INSYN1: variants seen among roughly 807,000 people sequenced by gnomAD.
INSYN1 encodes UPF0583 protein C15orf59.
A neutral mutation model predicts 17.1 loss-of-function variants in INSYN1; 7 were observed. That is an observed-to-expected ratio of 0.41 (90% CI 0.23 to 0.77). The LOEUF (loss-of-function observed/expected upper bound fraction) is 0.77. Among genes scored for constraint, INSYN1 ranks in the 30% least tolerant of loss-of-function variants. The pLI, the probability that INSYN1 is intolerant of heterozygous loss-of-function variation, is 0.32. For missense variants in INSYN1, 339 were observed against 400.6 expected, an observed-to-expected ratio of 0.85 and a Z score of 1.31; for synonymous variants, 174 against 166.3, an observed-to-expected ratio of 1.05 and a Z score of -0.36.
Position 73,740,196 on chromosome 15 carries a change from A to G in INSYN1, c.603T>C (p.Asp201=), listed in dbSNP as rs775672556. 6.2e-7 allele frequency: 1 copy of G among 1,613,908 alleles called. No homozygotes were observed. The highest frequency in any genetic ancestry group is 1.7e-5 in the Admixed American group (1 of 60,010). ...CCTCCTGCTCACCGTCCCCCTCCTC[A>G]TCGTCACAGCACAGAGCATGGTAGA... is the stretch of plus-strand genomic sequence containing the variant. ...KVLYHALCCD[D]EEGDGEQEVE... is the part of the protein sequence containing the mutation. Residue 201 remains aspartate (D), a synonymous_variant, in exon 3 of 3, where the codon GAT becomes GAC. Transcript: ENST00000569673.
chr15:73,748,546 C>G (rs1901897937), intron 2 of INSYN1, among the ~76,000 whole-genome samples: 1 of 152,124 alleles, frequency 6.6e-6, no homozygotes, highest in South Asian at 2.1e-4. Context: ...CCTACCCATG[C>G]CCCCGATAAA....
At chr15:73,750,446 CAA>C (rs1260546907) in intron 2 of INSYN1, among the ~76,000 whole-genome samples, 1 of 152,176 alleles carries the variant, frequency 6.6e-6, no homozygotes, top group Admixed American at 6.5e-5. Flanking sequence ...TACCCCCGGA[CAA>C]AGAGGACATA....
At chr15:73,741,669 AAGC>A (rs1901695275) in intron 2 of INSYN1, among the ~76,000 whole-genome samples, 1 of 152,192 alleles carries the variant, frequency 6.6e-6, no homozygotes, top group Non-Finnish European at 1.5e-5. Flanking sequence ...AATGAAAACA[AAGC>A]AGCGAGGCCA....
chr15:73,742,022 T>G (rs896312366), intron 2 of INSYN1, among the ~76,000 whole-genome samples: 17 of 152,218 alleles, frequency 1.1e-4, no homozygotes, highest in African/African-American at 4.1e-4. Flanking sequence ...TCTGTAGGTC[T>G]CAGTTGCCCA....
rs1016959591 is a variant in INSYN1 at position 73,753,230 on chromosome 15, G to T, written c.-1688C>A. ...CGCGGCGCCGCGCCGCCCGCGCCCC[G>T]GCCGCCCCCGGCCCGCCCCGCCGCC... On this transcript the variant is annotated 5_prime_UTR_variant, in exon 1 of 3. Coordinates refer to ENST00000569673, the MANE Select transcript of INSYN1 (RefSeq NM_001039614.3). The surrounding 1 kb of genome is among the most constrained non-coding windows in gnomAD (Gnocchi z 4.2). Among the ~76,000 whole-genome samples, 134 of 145,444 alleles carry T rather than the reference G, an allele frequency of 9.2e-4. No individual in the cohort carries two copies. The highest frequency in any genetic ancestry group is 3.2e-3 in the African/African-American group (129 of 40,704).
chr15:73,746,238 C>T (rs1901827693), intron 2 of INSYN1, among the ~76,000 whole-genome samples: 1 of 152,130 alleles, frequency 6.6e-6, no homozygotes, highest in Admixed American at 6.6e-5. Flanking sequence ...GATCGTGATT[C>T]ATGGCTCTCA....
intron 2 of INSYN1, among the ~76,000 whole-genome samples, chr15:73,747,404 T>C (rs1304793825): frequency 1.3e-5 from 2 of 152,168 alleles, no homozygotes; most frequent in Admixed American, 6.5e-5. Flanking sequence ...GAAACTGATG[T>C]GATTCCAGAA....
chr15:73,749,607 C>T (rs1901924964), intron 2 of INSYN1, among the ~76,000 whole-genome samples: 1 of 152,156 alleles, frequency 6.6e-6, no homozygotes. Flanking sequence ...AACTGTAGTG[C>T]CTTGGACCCA....
In INSYN1 at chr15:73,737,913, C is replaced by G. The variant is rs1901574236; in HGVS notation, c.*2004G>C. On this transcript the variant is annotated 3_prime_UTR_variant, in exon 3 of 3. Coordinates refer to ENST00000569673, the MANE Select transcript of INSYN1 (RefSeq NM_001039614.3). The stretch of plus-strand genomic sequence containing the variant: ...TTGCTGTGCTGCCAGTCCCACCTCC[C>G]TGCTCTGAGCGAGGGGCTGTGAATC... 1 of 152,298 alleles carries G rather than the reference C, an allele frequency of 6.6e-6. No individual in the cohort carries two copies. The highest frequency in any genetic ancestry group is 2.4e-5 in the African/African-American group (1 of 41,462). 9.4% of individuals were successfully genotyped at this position (152,298 alleles called of 1,614,324 possible). A position where few individuals can be genotyped will look rare whatever the true frequency, so the allele number is the denominator to read the frequency against.
intron 2 of INSYN1, among the ~76,000 whole-genome samples, chr15:73,748,620 G>A (rs1190779702): frequency 2.0e-5 from 3 of 152,228 alleles, no homozygotes; most frequent in African/African-American, 2.4e-5. Flanking sequence ...CCCTTGGAGA[G>A]CCAAGAGCCA....
intron 2 of INSYN1, among the ~76,000 whole-genome samples, chr15:73,747,560 G>A (rs1337604976): frequency 6.6e-6 from 1 of 152,214 alleles, no homozygotes; most frequent in African/African-American, 2.4e-5. Flanking sequence ...CAACCCTGGG[G>A]CAGGGGTAGG....
rs1318336286 is a variant in INSYN1 at position 73,751,298 on chromosome 15, G to A, written c.-168C>T. The A allele has an allele frequency of 1.5e-6, 1 of 674,228 alleles. No homozygotes were observed. Among genetic ancestry groups the A allele is most frequent in the East Asian group, 2.8e-5 (1 of 36,196 alleles). 41.8% of individuals were successfully genotyped at this position (674,228 alleles called of 1,614,324 possible). A position where few individuals can be genotyped will look rare whatever the true frequency, so the allele number is the denominator to read the frequency against. On this transcript the variant is annotated 5_prime_UTR_variant, in exon 2 of 3. Coordinates refer to ENST00000569673, the MANE Select transcript of INSYN1 (RefSeq NM_001039614.3). ...ACCAGCCCCTGCCCCCTGCCACCCA[G>A]CCTCCTCTGCCTCTGGGTGGAGAGT...
In INSYN1 at chr15:73,753,241, G is replaced by A. The variant is rs1001227787; in HGVS notation, c.-1699C>T. ...GCCGCCCGCGCCCCGGCCGCCCCCG[G>A]CCCGCCCCGCCGCCCCCCGCCGGAC... On this transcript the variant is annotated 5_prime_UTR_variant, in exon 1 of 3. Coordinates refer to ENST00000569673, the MANE Select transcript of INSYN1 (RefSeq NM_001039614.3). This position sits in a 1 kb window ranked among gnomAD's most constrained non-coding sequence, Gnocchi z 4.2. Among the ~76,000 whole-genome samples the A allele has an allele frequency of 6.9e-6, 1 of 144,970 alleles. No homozygotes were observed. Among genetic ancestry groups the A allele is most frequent in the South Asian group, 2.1e-4 (1 of 4,668 alleles).
At chr15:73,741,107 T>C (rs879824191) in intron 2 of INSYN1, among the ~76,000 whole-genome samples, 4 of 152,186 alleles carry the variant, frequency 2.6e-5, no homozygotes, top group Non-Finnish European at 5.9e-5. Flanking sequence ...GGAAATGATG[T>C]GGGTGATCAC....
intron 2 of INSYN1, among the ~76,000 whole-genome samples, chr15:73,745,413 C>A (rs1317690074): frequency 6.6e-6 from 1 of 152,164 alleles, no homozygotes; most frequent in Non-Finnish European, 1.5e-5. Flanking sequence ...GAGAAGGAAG[C>A]CTTCCCTGAT....
intron 2 of INSYN1, among the ~76,000 whole-genome samples, chr15:73,742,880 G>T (rs1377716539): frequency 6.6e-6 from 1 of 152,204 alleles, no homozygotes; most frequent in Non-Finnish European, 1.5e-5. Context: ...CTGGTCTGGG[G>T]TGGTGCTGGA....
chr15:73,749,287 T>C (rs60949757), intron 2 of INSYN1, among the ~76,000 whole-genome samples: 11,964 of 152,226 alleles, frequency 0.079, 532 homozygotes, highest in Middle Eastern at 0.14. Flanking sequence ...CTGTGTAACC[T>C]TGGACAAGCC....
rs1366253333 is a variant in INSYN1, at chr15:73,737,185, C to G, written c.*2732G>C. 6.6e-6 allele frequency: 1 copy of G among 152,192 alleles called. No homozygotes were observed. The highest frequency in any genetic ancestry group is 6.5e-5 in the Admixed American group (1 of 15,282). 9.4% of individuals were successfully genotyped at this position (152,192 alleles called of 1,614,324 possible). ...TGTGTCAGAGACCCCTAGCTCTGGC[C>G]CTCAGTTTCTTCCTCTGTGAAATGC... On this transcript the variant is annotated 3_prime_UTR_variant, in exon 3 of 3. Transcript: ENST00000569673.
chr15:73,742,619 A>T (rs563989138), intron 2 of INSYN1, among the ~76,000 whole-genome samples: 74 of 152,262 alleles, frequency 4.9e-4, no homozygotes, highest in African/African-American at 1.8e-3. Flanking sequence ...ACCATCATGA[A>T]GTGCTGCTGT....
Sources: gnomAD v4.1 joint callset for allele counts (sites outside exome capture counted in the v4.1 genomes callset) on GRCh38, gnomAD v4.1.1 for gene constraint, Gnocchi (gnomAD v3.1) non-coding constraint, MANE v1.5 for transcripts, NCBI Gene and HGNC (gene_info 2026-07-23, HGNC 2026-07-21) for gene names.